The following ARID5B variants were observed in gnomAD, a reference collection of about 807,000 sequenced individuals.
The protein encoded by ARID5B is AT-rich interaction domain 5B, also known as AT-rich interactive domain-containing protein 5B.
In ARID5B, 13 loss-of-function variants were observed where a neutral mutation model predicts 97.2. The observed-to-expected ratio is 0.13, with a 90% CI of 0.09 to 0.21. The LOEUF (loss-of-function observed/expected upper bound fraction) is 0.21. Ranked by LOEUF, ARID5B falls within the 10% of genes least tolerant of loss-of-function variation. ARID5B has a pLI of 1.00. For synonymous variants in ARID5B, 556 were observed against 570.3 expected, an observed-to-expected ratio of 0.97 and a Z score of 0.36; for missense variants, 1,210 against 1,465.3, an observed-to-expected ratio of 0.83 and a Z score of 2.84.
At chr10:62,085,656 C>G in intron 8 of ARID5B, 46 bp from the exon 9 acceptor site, 3 of 1,492,072 alleles carry the variant, frequency 2.0e-6, no homozygotes, top group Non-Finnish European at 1.8e-6. Context: ...ATTGATGCTA[C>G]TGGAATTACT....
At chr10:61,984,761 C>T (rs1300685380) in intron 3 of ARID5B, among the ~76,000 whole-genome samples, 6 of 152,144 alleles carry the variant, frequency 3.9e-5, no homozygotes, top group Admixed American at 1.3e-4. Context: ...GTTCCAAACC[C>T]GTATTTCAGA....
chr10:61,949,481 T>A (rs917072317), intron 3 of ARID5B, among the ~76,000 whole-genome samples: 2 of 152,114 alleles, frequency 1.3e-5, no homozygotes, highest in Non-Finnish European at 2.9e-5. Context: ...CTACTAAAAA[T>A]ACAAAATTAG....
chr10:61,941,992 A>T (rs2132798811), intron 3 of ARID5B, among the ~76,000 whole-genome samples: 1 of 152,320 alleles, frequency 6.6e-6, no homozygotes, highest in South Asian at 2.1e-4. Flanking sequence ...CCTTAACATT[A>T]AAACCTTTCT....
intron 3 of ARID5B, among the ~76,000 whole-genome samples, chr10:61,983,446 C>T (rs551216448): frequency 6.6e-6 from 1 of 152,268 alleles, no homozygotes; most frequent in African/African-American, 2.4e-5. Context: ...GGCTGGCGTT[C>T]AGAGACTGTT....
At position 61,902,141 on chromosome 10, in the gene ARID5B, T is replaced by C; in HGVS notation, c.22-18T>C. ...GATGGCTACATTATTTATTTGGTGT[T>C]TTTTTCCCCCCCTGCAGTGGGTCGG... On this transcript the variant is annotated intron_variant, in intron 1 of 9. Coordinates refer to ENST00000279873, the MANE Select transcript of ARID5B (RefSeq NM_032199.3). 1.2e-6 allele frequency: 2 copies of C among 1,610,374 alleles called. No homozygotes were observed. Among genetic ancestry groups the C allele is most frequent in the Non-Finnish European group, 1.7e-6 (2 of 1,179,078 alleles).
intron 2 of ARID5B, among the ~76,000 whole-genome samples, chr10:61,911,330 T>C (rs994831119): frequency 2.0e-5 from 3 of 152,254 alleles, no homozygotes; most frequent in African/African-American, 7.2e-5. Flanking sequence ...TTTGTGCTGC[T>C]TGTCCCTTAA....
At chr10:61,989,489 G>C (rs936029841) in intron 3 of ARID5B, among the ~76,000 whole-genome samples, 1 of 152,016 alleles carries the variant, frequency 6.6e-6, no homozygotes, top group Non-Finnish European at 1.5e-5. Context: ...GTGTTAATAA[G>C]TAAAAAATGT....
At chr10:62,028,956 C>CA (rs60831618) in intron 4 of ARID5B, among the ~76,000 whole-genome samples, 1,356 of 95,150 alleles carry the variant, frequency 0.014, 11 homozygotes, top group African/African-American at 0.048. Context: ...GACTCTGTCT[C>CA]AAAAAAAAAA....
intron 3 of ARID5B, among the ~76,000 whole-genome samples, chr10:61,997,415 T>C (rs1283855156): frequency 6.6e-6 from 1 of 151,888 alleles, no homozygotes; most frequent in East Asian, 1.9e-4. Context: ...TGAAGGGATA[T>C]GAAGGAAGTG....
intron 3 of ARID5B, among the ~76,000 whole-genome samples, chr10:61,951,657 C>T (rs1589232356): frequency 6.6e-6 from 1 of 152,270 alleles, no homozygotes; most frequent in Admixed American, 6.5e-5. Flanking sequence ...AAAATATAGG[C>T]ACTACTGACA....
At chr10:61,995,980 G>A (rs1236590528) in intron 3 of ARID5B, among the ~76,000 whole-genome samples, 1 of 152,166 alleles carries the variant, frequency 6.6e-6, no homozygotes, top group Non-Finnish European at 1.5e-5. Flanking sequence ...GTTATCATTT[G>A]TGTTTTGCCC....
chr10:61,997,149 G>C (rs1262216154), intron 3 of ARID5B, among the ~76,000 whole-genome samples: 1 of 152,098 alleles, frequency 6.6e-6, no homozygotes, highest in Non-Finnish European at 1.5e-5. Flanking sequence ...TGCACGGACA[G>C]TTGTAGGAGT....
chr10:62,040,268 TG>T (rs1222221841), intron 4 of ARID5B, among the ~76,000 whole-genome samples: 8 of 152,274 alleles, frequency 5.3e-5, no homozygotes, highest in South Asian at 4.1e-4. Flanking sequence ...CTTGAGTCAA[TG>T]ATTACCAGAT....
At chr10:61,982,308 GA>G (rs1164777944) in intron 3 of ARID5B, among the ~76,000 whole-genome samples, 1 of 152,170 alleles carries the variant, frequency 6.6e-6, no homozygotes, top group African/African-American at 2.4e-5. Context: ...AACCGAGCTA[GA>G]ATTGTTGGAC....
At chr10:62,039,280 T>C (rs980105193) in intron 4 of ARID5B, among the ~76,000 whole-genome samples, 2 of 152,200 alleles carry the variant, frequency 1.3e-5, no homozygotes, top group Admixed American at 6.5e-5. Flanking sequence ...ATTAGTACAA[T>C]ATAAGTATGA....
intron 3 of ARID5B, among the ~76,000 whole-genome samples, chr10:61,989,082 A>C (rs1354551584): frequency 6.6e-6 from 1 of 151,758 alleles, no homozygotes; most frequent in Non-Finnish European, 1.5e-5. Flanking sequence ...GGCATGTGCC[A>C]CCATGCCTGG....
chr10:61,959,521 T>C (rs768085431), intron 3 of ARID5B, among the ~76,000 whole-genome samples: 34 of 152,136 alleles, frequency 2.2e-4, no homozygotes, highest in Non-Finnish European at 4.3e-4. Flanking sequence ...ACCTGAGTAA[T>C]AGGATCTTAA....
In ARID5B at chr10:61,901,762, G is replaced by A. The variant is rs754225903; in HGVS notation, c.21+32G>A. On this transcript the variant is annotated intron_variant, in intron 1 of 9. Transcript: ENST00000279873. Reference sequence around the variant, plus strand: ...CGCTCTCCTCCGCTCCTCCGATCCCGGCACCCCCCGGCACCCCCCAACCCC... The same window carrying A: ...CGCTCTCCTCCGCTCCTCCGATCCCAGCACCCCCCGGCACCCCCCAACCCC... 9 of 1,600,370 alleles carry A rather than the reference G, an allele frequency of 5.6e-6. No individual in the cohort carries two copies. In the East Asian group the frequency reaches 2.0e-4, roughly 36 times the overall value.
chr10:62,002,972 G>A (rs1188661241), intron 4 of ARID5B, among the ~76,000 whole-genome samples: 2 of 152,118 alleles, frequency 1.3e-5, no homozygotes, highest in Non-Finnish European at 2.9e-5. Context: ...TAGAGCTGAT[G>A]GCAAAGAGTT....
Sources: gnomAD v4.1 joint callset for allele counts (sites outside exome capture counted in the v4.1 genomes callset) on GRCh38, gnomAD v4.1.1 for gene constraint, MANE v1.5 for transcripts, NCBI Gene and HGNC (gene_info 2026-07-23, HGNC 2026-07-21) for gene names.